The following SHANK2 variants were observed in gnomAD, a reference collection of about 807,000 sequenced individuals.
The protein encoded by SHANK2 is SH3 and multiple ankyrin repeat domains protein 2.
In SHANK2, 43 loss-of-function variants were observed where a neutral mutation model predicts 133.7. The ratio of observed to expected loss-of-function variants is 0.32; its 90% confidence interval spans 0.25 to 0.41. The LOEUF (loss-of-function observed/expected upper bound fraction) is 0.41, where lower values mean the gene tolerates loss of function less well. SHANK2 is among the 10% of genes least tolerant of loss of function. The pLI, the probability that SHANK2 is intolerant of heterozygous loss-of-function variation, is 1.00. For missense variants in SHANK2, 1,994 were observed against 2,235.8 expected (o/e 0.89, Z 2.18); for synonymous variants, 1,017 against 952.8 (o/e 1.07, Z -1.24).
chr11:71,076,510 CA>C (rs1951222122), intron 8 of SHANK2, among the ~76,000 whole-genome samples: 2 of 148,228 alleles, frequency 1.3e-5, no homozygotes, highest in South Asian at 4.3e-4. Context: ...AAAAAAAAAA[CA>C]AACAAAAACA....
chr11:71,232,838 T>G (rs1555123156), intron 1 of SHANK2, among the ~76,000 whole-genome samples: 1 of 152,182 alleles, frequency 6.6e-6, no homozygotes, highest in Non-Finnish European at 1.5e-5. Context: ...CCTGGACTTT[T>G]GACTGTGTGG....
At chr11:70,723,013 C>A (rs1946102023) in intron 14 of SHANK2, among the ~76,000 whole-genome samples, 1 of 152,194 alleles carries the variant, frequency 6.6e-6, no homozygotes, top group Non-Finnish European at 1.5e-5. Flanking sequence ...TCCCTCATCT[C>A]CTTACCTTTA....
chr11:70,701,548 G>A (rs563796604), intron 14 of SHANK2, among the ~76,000 whole-genome samples: 169 of 151,994 alleles, frequency 1.1e-3, no homozygotes, highest in African/African-American at 3.9e-3. Context: ...CTACAGGTGC[G>A]TGCCACCACG....
intron 14 of SHANK2, among the ~76,000 whole-genome samples, chr11:70,699,908 G>A (rs541336649): frequency 3.6e-4 from 55 of 152,294 alleles, no homozygotes; most frequent in African/African-American, 1.3e-3. Context: ...GCACAAGCAG[G>A]GTGGGAAGGG....
At chr11:70,685,479 G>C (rs1280023384) in intron 15 of SHANK2, among the ~76,000 whole-genome samples, 1 of 152,016 alleles carries the variant, frequency 6.6e-6, no homozygotes, top group African/African-American at 2.4e-5. Context: ...ATGCCCTGAA[G>C]AGCTAAGCCC....
At chr11:71,152,834 T>G (rs1555108367) in intron 2 of SHANK2, among the ~76,000 whole-genome samples, 1 of 152,134 alleles carries the variant, frequency 6.6e-6, no homozygotes, top group East Asian at 1.9e-4. Context: ...TTGAGTAACC[T>G]GATTAGCAGC....
chr11:70,496,036 G>A (rs1805800894), intron 21 of SHANK2, among the ~76,000 whole-genome samples: 1 of 152,192 alleles, frequency 6.6e-6, no homozygotes, highest in South Asian at 2.1e-4. Flanking sequence ...GCTGAATAGC[G>A]GAGGTGAGGG....
intron 8 of SHANK2, among the ~76,000 whole-genome samples, chr11:71,081,996 A>C (rs1951307029): frequency 6.6e-6 from 1 of 152,140 alleles, no homozygotes; most frequent in African/African-American, 2.4e-5. Context: ...CCCACGTCCC[A>C]CAGTGAGGCT....
chr11:70,685,169 A>G (rs1410757304), intron 15 of SHANK2, among the ~76,000 whole-genome samples: 1 of 151,912 alleles, frequency 6.6e-6, no homozygotes, highest in Non-Finnish European at 1.5e-5. Flanking sequence ...CCCCCAAAAA[A>G]CAAAAAACTG....
intron 14 of SHANK2, among the ~76,000 whole-genome samples, chr11:70,709,403 G>C (rs1338843407): frequency 6.6e-6 from 1 of 152,210 alleles, no homozygotes; most frequent in Non-Finnish European, 1.5e-5. Flanking sequence ...GCTAATGCTG[G>C]CTATTGCCAA....
At chr11:70,832,820 G>A (rs1948744983) in intron 11 of SHANK2, among the ~76,000 whole-genome samples, 2 of 152,096 alleles carry the variant, frequency 1.3e-5, no homozygotes, top group Admixed American at 6.5e-5. Flanking sequence ...ACCCTGAGAA[G>A]GCCTGTACTG....
chr11:70,852,979 AGTGGGCCAC>A (rs1241204883), intron 11 of SHANK2, among the ~76,000 whole-genome samples: 46 of 152,354 alleles, frequency 3.0e-4, no homozygotes, highest in African/African-American at 9.6e-4. Context: ...TCCCTGAACC[AGTGGGCCAC>A]GTGGGAAGTT....
chr11:70,736,594 C>T (rs1486586372), intron 14 of SHANK2, among the ~76,000 whole-genome samples: 3 of 152,178 alleles, frequency 2.0e-5, no homozygotes, highest in Non-Finnish European at 4.4e-5. Flanking sequence ...GCAGGAAGGA[C>T]CCTCCCCTAG....
intron 11 of SHANK2, among the ~76,000 whole-genome samples, chr11:70,875,592 G>C (rs549475653): frequency 8.3e-4 from 127 of 152,240 alleles, no homozygotes; most frequent in Non-Finnish European, 1.3e-3. Context: ...TGGGCATGGT[G>C]ACTCACGCCT....
intron 17 of SHANK2, among the ~76,000 whole-genome samples, chr11:70,591,843 C>G (rs782270073): frequency 1.1e-4 from 17 of 151,858 alleles, no homozygotes; most frequent in Non-Finnish European, 1.9e-4. Context: ...AGGGTGAAAC[C>G]TCATCTCTAC....
chr11:70,848,174 A>G (rs1404139650), intron 11 of SHANK2, among the ~76,000 whole-genome samples: 4 of 152,252 alleles, frequency 2.6e-5, no homozygotes, highest in Non-Finnish European at 5.9e-5. Context: ...AGCGACAGCA[A>G]TCTTATCACT....
chr11:70,919,216 G>A (rs1158772353), intron 10 of SHANK2, among the ~76,000 whole-genome samples: 1 of 152,068 alleles, frequency 6.6e-6, no homozygotes, highest in Non-Finnish European at 1.5e-5. Context: ...ATGTGCAATG[G>A]CTAAATCGAG....
intron 3 of SHANK2, among the ~76,000 whole-genome samples, chr11:71,146,223 T>C (rs1433509052): frequency 6.6e-6 from 1 of 152,044 alleles, no homozygotes; most frequent in East Asian, 1.9e-4. Flanking sequence ...TGTGGCACAG[T>C]CCCCGCCGTG....
At chr11:70,590,479 A>G (rs2060307237) in intron 17 of SHANK2, among the ~76,000 whole-genome samples, 1 of 152,190 alleles carries the variant, frequency 6.6e-6, no homozygotes, top group Non-Finnish European at 1.5e-5. Context: ...ACCTTTCATG[A>G]AAGGAAAAGT....
Sources: gnomAD v4.1 joint callset for allele counts (sites outside exome capture counted in the v4.1 genomes callset) on GRCh38, gnomAD v4.1.1 for gene constraint, MANE v1.5 for transcripts, NCBI Gene and HGNC (gene_info 2026-07-23, HGNC 2026-07-21) for gene names.